The following PRMT3 variants were observed in gnomAD, a reference collection of about 807,000 sequenced individuals.
PRMT3 encodes the protein protein arginine N-methyltransferase 3.
PRMT3 carries 62 observed loss-of-function variants against 71.9 expected under a neutral mutation model. The observed-to-expected ratio is 0.86, with a 90% CI of 0.70 to 1.07. The LOEUF (loss-of-function observed/expected upper bound fraction) is 1.07, where lower values mean the gene tolerates loss of function less well. Ranked by LOEUF, PRMT3 falls within the 50% of genes least tolerant of loss-of-function variation. The pLI is 0.00. For synonymous variants in PRMT3, 213 were observed against 220.4 expected (o/e 0.97, Z 0.30); for missense variants, 663 against 643.0 (o/e 1.03, Z -0.34).
At chr11:20,477,678 A>G (rs766602316) in intron 13 of PRMT3, among the ~76,000 whole-genome samples, 31 of 152,196 alleles carry the variant, frequency 2.0e-4, no homozygotes, top group Admixed American at 1.1e-3. Context: ...TTCTTGAGGT[A>G]CCTGAAACAA....
intron 10 of PRMT3, among the ~76,000 whole-genome samples, chr11:20,443,219 A>G (rs1316250860): frequency 6.6e-6 from 1 of 152,184 alleles, no homozygotes; most frequent in African/African-American, 2.4e-5. Flanking sequence ...GGCCTGTCTT[A>G]TGCATATTGG....
intron 13 of PRMT3, among the ~76,000 whole-genome samples, chr11:20,472,694 C>G (rs1252288181): frequency 6.6e-6 from 1 of 151,940 alleles, no homozygotes; most frequent in Non-Finnish European, 1.5e-5. Context: ...TTGTCTCTGC[C>G]AGGTTTTGGT....
At chr11:20,452,272 G>A (rs982902021) in intron 11 of PRMT3, 64 bp downstream of exon 11, 41 of 1,306,578 alleles carry the variant, frequency 3.1e-5, no homozygotes, top group Middle Eastern at 1.9e-4. Context: ...TGAACCTTTG[G>A]ATTTCAAATA....
chr11:20,485,861 A>G lies in PRMT3; in HGVS notation c.1348-8058A>G, dbSNP rs1316444447. 6.6e-5 allele frequency among the ~76,000 whole-genome samples: 10 copies of G among 152,236 alleles called. No individual in the cohort carries two copies. In the East Asian group the frequency reaches 1.9e-3, roughly 29 times the overall value. On this transcript the variant is annotated intron_variant, in intron 13 of 15. Transcript: ENST00000331079. Reference sequence around the variant, plus strand: ...CTAAATAGCATAATTTTAAGATTGTATCCAAATGTAGGTGTATATCTAAGA... The same window carrying G: ...CTAAATAGCATAATTTTAAGATTGTGTCCAAATGTAGGTGTATATCTAAGA...
chr11:20,451,693 G>C (rs1020422287), intron 10 of PRMT3, among the ~76,000 whole-genome samples: 1 of 151,902 alleles, frequency 6.6e-6, no homozygotes, highest in African/African-American at 2.4e-5. Flanking sequence ...GTAGCATCTC[G>C]TTCATCCCCC....
At chr11:20,488,231 A>G (rs1345483330) in intron 13 of PRMT3, among the ~76,000 whole-genome samples, 1 of 152,186 alleles carries the variant, frequency 6.6e-6, no homozygotes, top group African/African-American at 2.4e-5. Context: ...TTTGTTGATT[A>G]TGTCTTCTTA....
intron 10 of PRMT3, 54 bp from the exon 11 acceptor site, chr11:20,452,076 C>A: frequency 1.5e-6 from 2 of 1,310,362 alleles, no homozygotes; most frequent in Non-Finnish European, 2.2e-6. Flanking sequence ...AATTGACCTG[C>A]TTATGAGAGT....
chr11:20,395,985 T>G, intron 6 of PRMT3, 23 bp downstream of exon 6: 1 of 1,609,938 alleles, frequency 6.2e-7, no homozygotes, highest in Non-Finnish European at 8.5e-7. Flanking sequence ...TCTTGCAAAA[T>G]TAATTGTTTT....
At chr11:20,415,637 A>T (rs72922925) in intron 9 of PRMT3, among the ~76,000 whole-genome samples, 10,261 of 151,870 alleles carry the variant, frequency 0.068, 485 homozygotes, top group Non-Finnish European at 0.097. Flanking sequence ...AGTCTTAGAG[A>T]CTGTAGTTCT....
intron 9 of PRMT3, among the ~76,000 whole-genome samples, chr11:20,410,026 G>A (rs943090630): frequency 7.9e-5 from 12 of 152,012 alleles, no homozygotes; most frequent in Non-Finnish European, 1.5e-4. Flanking sequence ...GATAAAATGG[G>A]ACTAGATGTG....
At chr11:20,400,853 A>T (rs939526143) in intron 7 of PRMT3, among the ~76,000 whole-genome samples, 5 of 151,618 alleles carry the variant, frequency 3.3e-5, no homozygotes, top group African/African-American at 7.3e-5. Context: ...TATAAAAAAA[A>T]TTTTTAAATT....
At chr11:20,483,253 T>C (rs1269951024) in intron 13 of PRMT3, among the ~76,000 whole-genome samples, 3 of 152,140 alleles carry the variant, frequency 2.0e-5, no homozygotes, top group African/African-American at 2.4e-5. Flanking sequence ...TTATGCTGCG[T>C]TGATTTGTAA....
chr11:20,486,976 G>C (rs1851088857), intron 13 of PRMT3, among the ~76,000 whole-genome samples: 1 of 151,738 alleles, frequency 6.6e-6, no homozygotes, highest in Non-Finnish European at 1.5e-5. Context: ...AGAATTGCTT[G>C]AACCCAGGAG....
intron 11 of PRMT3, among the ~76,000 whole-genome samples, chr11:20,457,054 T>C (rs550499591): frequency 2.1e-3 from 319 of 152,196 alleles, no homozygotes; most frequent in Admixed American, 2.8e-3. Context: ...CTTTGTATTT[T>C]TAGTAGAAGT....
intron 11 of PRMT3, among the ~76,000 whole-genome samples, chr11:20,458,687 A>C (rs559695873): frequency 6.6e-6 from 1 of 152,348 alleles, no homozygotes; most frequent in South Asian, 2.1e-4. Context: ...CACTGATTAC[A>C]TATCCTTATG....
At chr11:20,470,107 A>G (rs1434948370) in intron 13 of PRMT3, among the ~76,000 whole-genome samples, 1 of 152,216 alleles carries the variant, frequency 6.6e-6, no homozygotes, top group Non-Finnish European at 1.5e-5. Context: ...TAGGCTATAT[A>G]CTATAGCCTG....
At chr11:20,396,022 G>A in intron 6 of PRMT3, 60 bp downstream of exon 6, 1 of 1,493,338 alleles carries the variant, frequency 6.7e-7, no homozygotes, top group Admixed American at 1.8e-5. Flanking sequence ...ACAACCTAAT[G>A]GCAAAGTAGA....
chr11:20,404,171 GTA>G (rs1849012044), intron 8 of PRMT3, among the ~76,000 whole-genome samples: 1 of 49,186 alleles, frequency 2.0e-5, no homozygotes, highest in South Asian at 6.5e-4. Context: ...GTTTTTTTTT[GTA>G]TGCTTTCTAT....
chr11:20,393,086 C>T (rs1036150482), intron 5 of PRMT3, 87 bp downstream of exon 5: 4 of 815,744 alleles, frequency 4.9e-6, no homozygotes, highest in Non-Finnish European at 6.0e-6. Context: ...TAGGAAAAGA[C>T]ATGCTTTTTA....
Sources: gnomAD v4.1 joint callset for allele counts (sites outside exome capture counted in the v4.1 genomes callset) on GRCh38, gnomAD v4.1.1 for gene constraint, MANE v1.5 for transcripts, NCBI Gene and HGNC (gene_info 2026-07-23, HGNC 2026-07-21) for gene names.